PMS2: variants seen among roughly 807,000 people sequenced by gnomAD.
The protein encoded by PMS2 is PMS1 homolog 2, mismatch repair system component, also known as mismatch repair endonuclease PMS2.
A neutral mutation model predicts 90.0 loss-of-function variants in PMS2; 69 were observed. The observed-to-expected ratio is 0.77, with a 90% CI of 0.63 to 0.94. The LOEUF is 0.94. Ranked by LOEUF, PMS2 falls within the 40% of genes least tolerant of loss-of-function variation. The pLI, the probability that PMS2 is intolerant of heterozygous loss-of-function variation, is 0.00. For missense variants in PMS2, 966 were observed against 1,040.2 expected (o/e 0.93, Z 0.98); for synonymous variants, 332 against 375.1 (o/e 0.89, Z 1.33).
At chr7:5,994,793 A>G (rs758243921) in intron 8 of PMS2, among the ~76,000 whole-genome samples, 2 of 151,960 alleles carry the variant, frequency 1.3e-5, no homozygotes, top group African/African-American at 2.4e-5. Flanking sequence ...AAAAAGAAAG[A>G]AAAGAAAATA....
rs192027828 is a variant in PMS2 at position 6,008,987 on chromosome 7, C to G, written c.23+10G>C. 2.7e-3 allele frequency: 4,324 copies of G among 1,612,634 alleles called. 12 individuals carry two copies. The highest frequency in any genetic ancestry group is 3.3e-3 in the Non-Finnish European group (3,875 of 1,179,802). On this transcript the variant is annotated intron_variant, in intron 1 of 14. Coordinates refer to ENST00000265849, the MANE Select transcript of PMS2 (RefSeq NM_000535.7). ...AGAGGGGACACCGGAAGACTGCGAG[C>G]CCCGCTCACCTCGAGCTCTCAGCTC...
chr7:5,994,227 A>C (rs1784105373), intron 8 of PMS2, among the ~76,000 whole-genome samples: 1 of 151,878 alleles, frequency 6.6e-6, no homozygotes, highest in African/African-American at 2.4e-5. Flanking sequence ...TAAAGACACA[A>C]AAACTTAGCC....
In PMS2 at chr7:5,978,684, G is replaced by C. The variant is rs373630535; in HGVS notation, c.2187C>G (p.Leu729=). ...QGQRLIAPQT[L]NLTAVNEAVL... ...CAGCTTCATTAACAGCAGTTAAGTT[G>C]AGAGTCTGAGGTCTGAAAAACACAA... The change falls in exon 13 of 15, where the codon CTC becomes CTG. Residue 729 remains leucine (L), a synonymous_variant. Transcript: ENST00000265849. The C allele has an allele frequency of 1.4e-3, 2,263 of 1,581,414 alleles. 101 individuals carry two copies. Among genetic ancestry groups the C allele is most frequent in the South Asian group, 3.1e-3 (280 of 90,190 alleles).
rs878854047 is a variant in PMS2, at chr7:6,008,990, C to G, written c.23+7G>C. ...GGGGACACCGGAAGACTGCGAGCCCCGCTCACCTCGAGCTCTCAGCTCGCT... is the reference window on the plus strand; with the variant it reads ...GGGGACACCGGAAGACTGCGAGCCCGGCTCACCTCGAGCTCTCAGCTCGCT... On this transcript the variant is annotated splice_region_variant and intron_variant, in intron 1 of 14. Transcript: ENST00000265849. 41 of 1,612,640 alleles carry G rather than the reference C, an allele frequency of 2.5e-5. No homozygotes were observed. The highest frequency in any genetic ancestry group is 3.3e-5 in the South Asian group (3 of 91,024).
rs1554295833 is a variant in PMS2, at chr7:5,982,898, C to T, written c.2100G>A (p.Gln700=). The part of the protein sequence containing the change: ...KLNEDIFIVD[Q]HATDEKYNFE... ...AGTTATACTTCTCGTCCGTGGCATGCTGGTCCACTATGAAGATATCCTCAT... is the reference window on the plus strand; with the variant it reads ...AGTTATACTTCTCGTCCGTGGCATGTTGGTCCACTATGAAGATATCCTCAT... Residue 700 remains glutamine, a synonymous_variant, in exon 12 of 15, where the codon CAG becomes CAA. Transcript: ENST00000265849. 4 of 1,600,946 alleles carry T rather than the reference C, an allele frequency of 2.5e-6. No individual in the cohort carries two copies. Among genetic ancestry groups the T allele is most frequent in the Admixed American group, 1.7e-5 (1 of 58,608 alleles).
At chr7:6,007,400 G>A (rs994120470) in intron 1 of PMS2, among the ~76,000 whole-genome samples, 3 of 152,116 alleles carry the variant, frequency 2.0e-5, no homozygotes, top group Non-Finnish European at 4.4e-5. Flanking sequence ...ACAGGGGACC[G>A]CAACCAGCCA....
rs374762935 is a variant in PMS2, at chr7:5,972,824, GT to G, written c.*574del. 2.8e-4 allele frequency among the ~76,000 whole-genome samples: 19 copies of G among 68,676 alleles called. 1 individual carries two copies. The highest frequency in any genetic ancestry group is 9.2e-4 in the Admixed American group (7 of 7,600). The allele number at this position is 68,676 out of a possible 152,430, so 45.1% of individuals were successfully genotyped here. Reference sequence around the variant, plus strand: ...CCTGAGTAACTTCCAAAGTGGTTTGGTTTTTTTTTTTTTGTTTTGTTTTGTT... The same window carrying G: ...CCTGAGTAACTTCCAAAGTGGTTTGGTTTTTTTTTTTTGTTTTGTTTTGTT... On this transcript the variant is annotated 3_prime_UTR_variant, in exon 15 of 15. Transcript: ENST00000265849.
At chr7:6,003,324 T>TATATATACATATAA (rs559526418) in intron 4 of PMS2, 2 of 148,014 alleles carry the variant, frequency 1.4e-5, no homozygotes, top group South Asian at 4.2e-4. Flanking sequence ...TATATATATA[T>TATATATACATATAA]AATTATTTAT....
At chr7:5,999,087 G>A (rs201259464) in intron 6 of PMS2, 21 bp downstream of exon 6, 1 of 1,612,000 alleles carries the variant, frequency 6.2e-7, no homozygotes, top group East Asian at 2.2e-5. Flanking sequence ...AAGAGGCGTT[G>A]AAGTAACCGG....
chr7:5,994,037 C>T (rs1784080966), intron 8 of PMS2, among the ~76,000 whole-genome samples: 1 of 151,878 alleles, frequency 6.6e-6, no homozygotes. Flanking sequence ...ACACACAACA[C>T]ATATAATGTA....
rs1221581593 is a variant in PMS2 at position 5,978,432 on chromosome 7, G to A, written c.2275+164C>T. ...ATTACAGGCACCCGCCACCACGCCC[G>A]GCTACTTTTTGTATTTTCAGTAGAG... On this transcript the variant is annotated intron_variant, in intron 13 of 14. Coordinates refer to ENST00000265849, the MANE Select transcript of PMS2 (RefSeq NM_000535.7). Among the ~76,000 whole-genome samples the A allele has an allele frequency of 4.1e-4, 62 of 149,424 alleles. 3 individuals carry two copies. Among genetic ancestry groups the A allele is most frequent in the Admixed American group, 7.3e-4 (11 of 15,072 alleles).
chr7:5,983,260 G>A (rs1400396389), intron 11 of PMS2, among the ~76,000 whole-genome samples: 4 of 151,220 alleles, frequency 2.6e-5, no homozygotes, highest in East Asian at 3.9e-4. Flanking sequence ...TTACAGGTGC[G>A]CCACCATGCC....
At chr7:5,979,241 A>G (rs1324880880) in intron 12 of PMS2, among the ~76,000 whole-genome samples, 1 of 145,102 alleles carries the variant, frequency 6.9e-6, no homozygotes, top group Non-Finnish European at 1.5e-5. Context: ...AAAAACAAAA[A>G]TTAGCTGGAA....
chr7:5,996,584 A>ACAAAAAC (rs200801067), intron 7 of PMS2, among the ~76,000 whole-genome samples: 22 of 97,642 alleles, frequency 2.3e-4, no homozygotes, highest in African/African-American at 1.1e-3. Context: ...AGCTAAAAAA[A>ACAAAAAC]AAAAAAATAT....
At chr7:5,999,029 A>G (rs1784772712) in intron 6 of PMS2, 79 bp downstream of exon 6, 1 of 1,360,264 alleles carries the variant, frequency 7.4e-7, no homozygotes, top group Non-Finnish European at 1.0e-6. Context: ...TTTATTCTCC[A>G]TTCTACTGGA....
chr7:5,983,176 A>G (rs976267374), intron 11 of PMS2, among the ~76,000 whole-genome samples, 185 bp from the exon 12 acceptor site: 8 of 151,628 alleles, frequency 5.3e-5, no homozygotes, highest in Admixed American at 5.3e-4. Flanking sequence ...GCAATGGCAC[A>G]ATCTTGGCTC....
rs2128826358 is a variant in PMS2 at position 6,003,710 on chromosome 7, C to G, written c.333G>C (p.Leu111=). 1 of 1,591,378 alleles carries G rather than the reference C, an allele frequency of 6.3e-7. No homozygotes were observed. The highest frequency in any genetic ancestry group is 8.5e-7 in the Non-Finnish European group (1 of 1,172,974). Residue 111 remains leucine (L), a synonymous_variant, in exon 4 of 15, where the codon CTG becomes CTC. Coordinates refer to ENST00000265849, the MANE Select transcript of PMS2 (RefSeq NM_000535.7). ...VETFGFRGEA[L]SSLCALSDVT... Reference sequence around the variant, plus strand: ...ATCACCTCAGTGCACAAAGTGAGCTCAGAGCTTCCCCCCGAAAGCCAAAAG... The same window carrying G: ...ATCACCTCAGTGCACAAAGTGAGCTGAGAGCTTCCCCCCGAAAGCCAAAAG...
chr7:6,005,625 C>A (rs1322008766), intron 2 of PMS2, among the ~76,000 whole-genome samples: 2 of 152,190 alleles, frequency 1.3e-5, no homozygotes, highest in Non-Finnish European at 2.9e-5. Flanking sequence ...GCGTGAGACA[C>A]CACGCCCAGC....
rs201375580 is a variant in PMS2 at position 5,997,396 on chromosome 7, G to T, written c.733C>A (p.Leu245Met). 5 of 1,598,210 alleles carry T rather than the reference G, an allele frequency of 3.1e-6. No individual in the cohort carries two copies. ...QLQSLIPFVQLPPSDSVCEEY... is the reference protein window; with the variant it reads ...QLQSLIPFVQMPPSDSVCEEY... ...TCACACACGGAGTCACTAGGGGGCAGCTGAACAAAAGGAATGAGGCTTTGC... is the reference window on the plus strand; with the variant it reads ...TCACACACGGAGTCACTAGGGGGCATCTGAACAAAAGGAATGAGGCTTTGC... Residue 245 changes from leucine to methionine, a missense_variant, in exon 7 of 15, where the codon CTG (leucine) becomes ATG (methionine). Leu to Met is a conservative substitution (Grantham distance 15). Transcript: ENST00000265849.
Sources: allele counts gnomAD v4.1 joint callset (sites outside exome capture counted in the v4.1 genomes callset), GRCh38; gene constraint gnomAD v4.1.1; transcripts MANE v1.5; gene names NCBI Gene and HGNC (gene_info 2026-07-23, HGNC 2026-07-21).